COL24A1: variants seen among roughly 807,000 people sequenced by gnomAD.
COL24A1 encodes the protein collagen alpha-1(XXIV) chain.
A neutral mutation model predicts 253.9 loss-of-function variants in COL24A1; 224 were observed. That is an observed-to-expected ratio of 0.88 (90% confidence interval 0.79 to 0.99). COL24A1 has a LOEUF of 0.99. Among genes scored for constraint, COL24A1 ranks in the 50% least tolerant of loss-of-function variants. COL24A1 has a pLI of 0.00. For missense variants in COL24A1, 2,131 were observed against 2,068.5 expected (o/e 1.03, Z -0.59); for synonymous variants, 685 against 673.7 (o/e 1.02, Z -0.26).
chr1:86,098,091 A>G (rs1571911068), intron 5 of COL24A1, among the ~76,000 whole-genome samples: 1 of 152,272 alleles, frequency 6.6e-6, no homozygotes, highest in African/African-American at 2.4e-5. Context: ...AGGGGATTCA[A>G]CCCTTGAAAG....
At chr1:85,737,834 G>A (rs914511090) in intron 57 of COL24A1, among the ~76,000 whole-genome samples, 1 of 130,692 alleles carries the variant, frequency 7.7e-6, no homozygotes, top group Non-Finnish European at 1.8e-5. Flanking sequence ...AAAGTGTTGG[G>A]ATTACAGGCG....
intron 39 of COL24A1, among the ~76,000 whole-genome samples, chr1:85,843,530 C>G (rs1676848451): frequency 6.6e-6 from 1 of 152,006 alleles, no homozygotes; most frequent in Non-Finnish European, 1.5e-5. Flanking sequence ...AATAACAACA[C>G]TGGAAAATAA....
intron 37 of COL24A1, among the ~76,000 whole-genome samples, chr1:85,853,822 T>G (rs1678097624): frequency 6.6e-6 from 1 of 152,184 alleles, no homozygotes; most frequent in African/African-American, 2.4e-5. Flanking sequence ...GTTTGTTTGT[T>G]TTTTGCTTAT....
intron 19 of COL24A1, among the ~76,000 whole-genome samples, chr1:86,000,727 CTGTT>C (rs1286496153): frequency 1.3e-5 from 2 of 152,240 alleles, no homozygotes; most frequent in Non-Finnish European, 2.9e-5. Context: ...AGAGGACCCA[CTGTT>C]TGGCCACTTC....
At position 85,961,278 on chromosome 1, in the gene COL24A1, G is replaced by A; in HGVS notation, c.2533C>T (p.Gln845Ter). ...PEGLKGEVGD[Q>*]GNIGKIGETG... ...TCACCAATTTTTCCAATATTTCCTTGATCTCCTACTTCTCCCTGTCAAAAA... is the reference window on the plus strand; with the variant it reads ...TCACCAATTTTTCCAATATTTCCTTAATCTCCTACTTCTCCCTGTCAAAAA... Residue 845 changes from glutamine (Q) to a stop codon, truncating the protein, a stop_gained, in exon 24 of 60, where the codon CAA (glutamine) becomes TAA (stop). Coordinates refer to ENST00000370571, the MANE Select transcript of COL24A1 (RefSeq NM_152890.7). LOFTEE classifies it high-confidence loss of function. 1.9e-6 allele frequency: 3 copies of A among 1,603,992 alleles called. No homozygotes were observed. The highest frequency in any genetic ancestry group is 2.6e-6 in the Non-Finnish European group (3 of 1,172,396).
intron 28 of COL24A1, among the ~76,000 whole-genome samples, chr1:85,904,654 T>C (rs1040396118): frequency 2.7e-4 from 41 of 152,198 alleles, no homozygotes; most frequent in African/African-American, 9.9e-4. Flanking sequence ...ATGCCATGTT[T>C]CTTATCTAAG....
At chr1:85,747,080 TTTTG>T (rs1260571031) in intron 55 of COL24A1, among the ~76,000 whole-genome samples, 12 of 151,406 alleles carry the variant, frequency 7.9e-5, no homozygotes, top group Admixed American at 6.6e-5. Flanking sequence ...CTTACAAATT[TTTTG>T]TTTATGTGAA....
At chr1:85,879,465 C>G (rs993087939) in intron 32 of COL24A1, among the ~76,000 whole-genome samples, 3 of 152,028 alleles carry the variant, frequency 2.0e-5, no homozygotes, top group Admixed American at 2.0e-4. Context: ...TATTTCTGGG[C>G]TTACCACTCT....
intron 53 of COL24A1, among the ~76,000 whole-genome samples, chr1:85,773,724 T>C (rs1037875461): frequency 1.3e-5 from 2 of 152,230 alleles, no homozygotes; most frequent in African/African-American, 2.4e-5. Flanking sequence ...TGATTTTGTA[T>C]CCTGAGACTT....
chr1:85,908,053 G>T (rs534824577), intron 27 of COL24A1, among the ~76,000 whole-genome samples: 3 of 151,782 alleles, frequency 2.0e-5, no homozygotes, highest in Admixed American at 6.6e-5. Flanking sequence ...GAAAAGTTCT[G>T]CTCAGGGGAT....
At chr1:85,773,396 A>G (rs1246466608) in intron 53 of COL24A1, among the ~76,000 whole-genome samples, 3 of 152,148 alleles carry the variant, frequency 2.0e-5, no homozygotes, top group African/African-American at 7.2e-5. Flanking sequence ...GTTTTTTCCA[A>G]TTCTGTGAAG....
chr1:85,787,413 G>C (rs892509871), intron 47 of COL24A1, among the ~76,000 whole-genome samples: 3 of 152,024 alleles, frequency 2.0e-5, no homozygotes, highest in Non-Finnish European at 4.4e-5. Context: ...TCCCCTCCCT[G>C]TGTCCATGTG....
At chr1:85,874,196 A>G (rs1385706364) in intron 35 of COL24A1, among the ~76,000 whole-genome samples, 2 of 152,184 alleles carry the variant, frequency 1.3e-5, no homozygotes, top group Admixed American at 1.3e-4. Flanking sequence ...AAAGCTATCT[A>G]ATTGCAACAA....
At chr1:85,879,253 G>GTGTGTGTT (rs1681549769) in intron 32 of COL24A1, among the ~76,000 whole-genome samples, 1 of 91,384 alleles carries the variant, frequency 1.1e-5, no homozygotes, top group Non-Finnish European at 2.5e-5. Context: ...GAGGGTGTGT[G>GTGTGTGTT]TGTGTGTGTG....
At chr1:85,875,964 C>G (rs79391402) in intron 33 of COL24A1, among the ~76,000 whole-genome samples, 1,964 of 152,086 alleles carry the variant, frequency 0.013, 52 homozygotes, top group African/African-American at 0.045. Flanking sequence ...TATGTGTGCC[C>G]CTCCCTTCCC....
At chr1:85,913,110 T>C (rs1361250031) in intron 24 of COL24A1, among the ~76,000 whole-genome samples, 1 of 152,202 alleles carries the variant, frequency 6.6e-6, no homozygotes. Context: ...TTGGAAGTGA[T>C]TTAATAATTT....
chr1:85,903,636 G>C (rs1320836955), intron 28 of COL24A1, among the ~76,000 whole-genome samples: 1 of 152,148 alleles, frequency 6.6e-6, no homozygotes, highest in Non-Finnish European at 1.5e-5. Flanking sequence ...AGCTGTATTA[G>C]TAAGTTCTCA....
intron 52 of COL24A1, 109 bp downstream of exon 52, chr1:85,781,111 T>C: frequency 1.3e-6 from 1 of 762,260 alleles, no homozygotes; most frequent in Non-Finnish European, 2.0e-6. Context: ...TGTATATCTA[T>C]TTTTTCCATT....
At chr1:85,811,469 G>A (rs1406540505) in intron 47 of COL24A1, among the ~76,000 whole-genome samples, 7 of 152,052 alleles carry the variant, frequency 4.6e-5, no homozygotes, top group Non-Finnish European at 8.8e-5. Flanking sequence ...AAGTGGACTT[G>A]CTGGATTATA....
Sources: gnomAD v4.1 joint callset for allele counts (sites outside exome capture counted in the v4.1 genomes callset) on GRCh38, gnomAD v4.1.1 for gene constraint, MANE v1.5 for transcripts, NCBI Gene and HGNC (gene_info 2026-07-23, HGNC 2026-07-21) for gene names.